CALCRL: variants seen among roughly 807,000 people sequenced by gnomAD.
CALCRL encodes calcitonin gene-related peptide type 1 receptor.
CALCRL carries 27 observed loss-of-function variants against 60.4 expected under a neutral mutation model. That is an observed-to-expected ratio of 0.45 (90% CI 0.33 to 0.62). The LOEUF is 0.62. Ranked by LOEUF, CALCRL falls within the 20% of genes least tolerant of loss-of-function variation. CALCRL has a pLI of 0.03. For synonymous variants in CALCRL, 190 were observed against 182.6 expected (o/e 1.04, Z -0.33); for missense variants, 424 against 540.7 (o/e 0.78, Z 2.14).
chr2:187,397,242 C>T (rs1023126793), intron 1 of CALCRL, among the ~76,000 whole-genome samples: 4 of 151,452 alleles, frequency 2.6e-5, no homozygotes, highest in Non-Finnish European at 5.9e-5. Context: ...TATTTCAAGG[C>T]GGTGGTCACA....
At chr2:187,371,286 G>A (rs1471601565) in intron 8 of CALCRL, among the ~76,000 whole-genome samples, 1 of 151,670 alleles carries the variant, frequency 6.6e-6, no homozygotes, top group Non-Finnish European at 1.5e-5. Flanking sequence ...GTAAAGCCTG[G>A]GATACAGACC....
chr2:187,357,455 A>T (rs1171024813), intron 12 of CALCRL, among the ~76,000 whole-genome samples: 1 of 145,614 alleles, frequency 6.9e-6, no homozygotes, highest in Non-Finnish European at 1.5e-5. Context: ...TTGAACAATG[A>T]GAAAATATGG....
At chr2:187,347,254 C>T (rs536779478) in intron 14 of CALCRL, among the ~76,000 whole-genome samples, 5 of 151,774 alleles carry the variant, frequency 3.3e-5, no homozygotes, top group Admixed American at 6.6e-5. Context: ...AGCTCAAGTA[C>T]GTTGAGGACT....
At chr2:187,363,292 A>C in intron 9 of CALCRL, 84 bp downstream of exon 9, 1 of 1,301,036 alleles carries the variant, frequency 7.7e-7, no homozygotes, top group Non-Finnish European at 1.0e-6. Context: ...TGTGTACTTA[A>C]TTATACACAT....
intron 1 of CALCRL, among the ~76,000 whole-genome samples, chr2:187,398,673 A>G (rs1688758398): frequency 6.6e-6 from 1 of 151,612 alleles, no homozygotes; most frequent in Non-Finnish European, 1.5e-5. Context: ...TTGGTCATGG[A>G]CATGTGTGGT....
chr2:187,409,292 A>C (rs763400772), intron 1 of CALCRL, among the ~76,000 whole-genome samples: 1 of 152,220 alleles, frequency 6.6e-6, no homozygotes, highest in African/African-American at 2.4e-5. Flanking sequence ...TCTCTGGATC[A>C]ATAAAGGAAA....
intron 14 of CALCRL, among the ~76,000 whole-genome samples, chr2:187,350,143 G>A (rs698589): frequency 1 from 151,567 of 151,708 alleles, 75,713 homozygotes; most frequent in Middle Eastern, 1. Context: ...ACTGCCTCCT[G>A]TTACAAAATA....
intron 12 of CALCRL, among the ~76,000 whole-genome samples, chr2:187,357,816 CAAT>C (rs1559040424): frequency 3.0e-5 from 2 of 66,610 alleles, no homozygotes; most frequent in Admixed American, 1.5e-4. Flanking sequence ...ACAACAACAA[CAAT>C]GAAAGAAAAA....
At position 187,385,650 on chromosome 2, in the gene CALCRL, G is replaced by T. The variant is rs1688175631; in HGVS notation, c.-36-19C>A. 5 of 1,195,202 alleles carry T rather than the reference G, an allele frequency of 4.2e-6. No individual in the cohort carries two copies. The highest frequency in any genetic ancestry group is 3.2e-5 in the African/African-American group (2 of 63,006). The allele number at this position is 1,195,202 out of a possible 1,614,324, so 74.0% of individuals were successfully genotyped here. On this transcript the variant is annotated intron_variant, in intron 3 of 14. Transcript: ENST00000392370. ...ACATAAACTGCAACAGAAAATAAAAGAAATATAATTCATCAATATTTATGA... is the reference window on the plus strand; with the variant it reads ...ACATAAACTGCAACAGAAAATAAAATAAATATAATTCATCAATATTTATGA...
chr2:187,431,359 A>T lies in CALCRL; in HGVS notation c.-293+16680T>A, dbSNP rs201005687. The T allele has an allele frequency of 2.3e-4, 35 of 155,296 alleles. 2 individuals carry two copies. The highest frequency in any genetic ancestry group is 2.0e-4 in the South Asian group (1 of 4,924). 9.6% of individuals were successfully genotyped at this position (155,296 alleles called of 1,614,324 possible). On this transcript the variant is annotated intron_variant, in intron 1 of 14. Coordinates refer to ENST00000392370, the MANE Select transcript of CALCRL (RefSeq NM_005795.6). ...GCACAAGTGGTTGGTGTATCATCGT[A>T]GGACCCTAGATGACAAGAGAACATT...
At chr2:187,403,365 C>T (rs1224297422) in intron 1 of CALCRL, among the ~76,000 whole-genome samples, 1 of 151,726 alleles carries the variant, frequency 6.6e-6, no homozygotes, top group African/African-American at 2.4e-5. Context: ...GCAGTTCTCA[C>T]ATCTTGAAGA....
intron 9 of CALCRL, among the ~76,000 whole-genome samples, chr2:187,361,004 A>C: frequency 6.6e-6 from 1 of 152,078 alleles, no homozygotes; most frequent in Non-Finnish European, 1.5e-5. Context: ...TACTTTATTT[A>C]GTGAATGTGT....
intron 1 of CALCRL, among the ~76,000 whole-genome samples, chr2:187,433,183 A>G (rs967546506): frequency 1.3e-5 from 2 of 152,110 alleles, no homozygotes; most frequent in Admixed American, 1.3e-4. Context: ...CCAGGTTCAA[A>G]GTTGAAGTTT....
Position 187,342,771 on chromosome 2 carries a change from A to G in CALCRL, c.*3413T>C, listed in dbSNP as rs914407335. Among the ~76,000 whole-genome samples, 4 of 151,626 alleles carry G rather than the reference A, an allele frequency of 2.6e-5. No homozygotes were observed. Among genetic ancestry groups the G allele is most frequent in the South Asian group, 4.1e-4 (2 of 4,828 alleles). The stretch of plus-strand genomic sequence containing the variant: ...CACTTATTTATAAATTTATTTCAAC[A>G]TTTTTAATATTCTCATATAGTGTGA... On this transcript the variant is annotated 3_prime_UTR_variant, in exon 15 of 15. Coordinates refer to ENST00000392370, the MANE Select transcript of CALCRL (RefSeq NM_005795.6).
At chr2:187,371,832 G>A (rs1439699774) in intron 8 of CALCRL, among the ~76,000 whole-genome samples, 1 of 151,950 alleles carries the variant, frequency 6.6e-6, no homozygotes, top group Non-Finnish European at 1.5e-5. Flanking sequence ...AAAATATGAA[G>A]AAACTGGAAA....
chr2:187,448,114 A>C lies in CALCRL; in HGVS notation c.-368T>G, dbSNP rs1181571240. On this transcript the variant is annotated 5_prime_UTR_variant, in exon 1 of 15. Transcript: ENST00000392370. ...TTTACTTTCTGAGATTCCGCAGAAGAGATTTACCCACAAGCAAGGTGGGAA... is the reference window on the plus strand; with the variant it reads ...TTTACTTTCTGAGATTCCGCAGAAGCGATTTACCCACAAGCAAGGTGGGAA... 1 of 152,136 alleles carries C rather than the reference A, an allele frequency of 6.6e-6. No individual in the cohort carries two copies. The highest frequency in any genetic ancestry group is 1.5e-5 in the Non-Finnish European group (1 of 68,018). The allele number at this position is 152,136 out of a possible 1,614,324, so 9.4% of individuals were successfully genotyped here.
intron 1 of CALCRL, among the ~76,000 whole-genome samples, chr2:187,423,737 G>A (rs190441708): frequency 2.0e-5 from 3 of 152,076 alleles, no homozygotes; most frequent in African/African-American, 7.2e-5. Context: ...AGGATAAATA[G>A]AGAATAATGA....
intron 14 of CALCRL, among the ~76,000 whole-genome samples, chr2:187,347,770 TTAAAA>T (rs1422318784): frequency 1.3e-5 from 2 of 151,672 alleles, no homozygotes; most frequent in Non-Finnish European, 3.0e-5. Flanking sequence ...AGTCTGTCAC[TTAAAA>T]TAAACTCAAA....
At chr2:187,350,913 G>A (rs750038791) in intron 14 of CALCRL, among the ~76,000 whole-genome samples, 17 of 151,712 alleles carry the variant, frequency 1.1e-4, no homozygotes, top group Non-Finnish European at 2.2e-4. Flanking sequence ...AGGTTAAATT[G>A]TGTCGAGCAG....
Sources: allele counts gnomAD v4.1 joint callset (sites outside exome capture counted in the v4.1 genomes callset), GRCh38; gene constraint gnomAD v4.1.1; transcripts MANE v1.5; gene names NCBI Gene and HGNC (gene_info 2026-07-23, HGNC 2026-07-21).